Variants in HORMAD2 observed in about 807,000 individuals in gnomAD.
HORMAD2 encodes the protein HORMA domain containing 2, also known as HORMA domain-containing protein 2.
In HORMAD2, 45 loss-of-function variants were observed where a neutral mutation model predicts 38.8. The observed-to-expected ratio is 1.16, with a 90% CI of 0.91 to 1.49. The LOEUF (loss-of-function observed/expected upper bound fraction) is 1.49, where lower values mean the gene tolerates loss of function less well. Ranked by LOEUF, HORMAD2 falls within the 40% of genes most tolerant of loss-of-function variation. The probability of loss-of-function intolerance (pLI) is 0.00; values close to 1 mark genes in which losing one functional copy is unlikely to be tolerated. For synonymous variants in HORMAD2, 126 were observed against 122.8 expected (o/e 1.03, Z -0.17); for missense variants, 338 against 367.0 (o/e 0.92, Z 0.65).
intron 10 of HORMAD2, among the ~76,000 whole-genome samples, chr22:30,132,172 C>T (rs1923329628): frequency 6.6e-6 from 1 of 152,130 alleles, no homozygotes; most frequent in Admixed American, 6.6e-5. Flanking sequence ...GCATATATGC[C>T]TTCTTTGATA....
intron 10 of HORMAD2, among the ~76,000 whole-genome samples, chr22:30,140,050 A>G (rs1923967123): frequency 6.6e-6 from 1 of 151,918 alleles, no homozygotes; most frequent in Non-Finnish European, 1.5e-5. Flanking sequence ...ATTGATCTGT[A>G]GTTTTCTTGT....
At chr22:30,199,240 A>C in the HORMAD2 span, among the ~76,000 whole-genome samples, 1 of 152,220 alleles carries the variant, frequency 6.6e-6, no homozygotes, top group African/African-American at 2.4e-5. Flanking sequence ...TGATCAGTAG[A>C]TATGCACAAG....
chr22:30,197,803 A>C, the HORMAD2 span, among the ~76,000 whole-genome samples: 1 of 152,118 alleles, frequency 6.6e-6, no homozygotes, highest in Non-Finnish European at 1.5e-5. Context: ...CAACCACTGC[A>C]CATGTAGACC....
chr22:30,079,409 A>C (rs1243064450), upstream of HORMAD2, among the ~76,000 whole-genome samples: 3 of 152,240 alleles, frequency 2.0e-5, no homozygotes, highest in African/African-American at 7.2e-5. Context: ...GTTAAAAAGA[A>C]TGCAAAGTCA....
chr22:30,199,161 C>A, the HORMAD2 span, among the ~76,000 whole-genome samples: 1 of 152,198 alleles, frequency 6.6e-6, no homozygotes, highest in South Asian at 2.1e-4. Flanking sequence ...AAAAAGTTGT[C>A]CTGGTAATTA....
rs1920926196 is a variant in HORMAD2 at position 30,098,875 on chromosome 22, C to T, written c.75C>T (p.Ile25=). The T allele has an allele frequency of 3.7e-6, 6 of 1,611,848 alleles. No homozygotes were observed. The highest frequency in any genetic ancestry group is 3.3e-5 in the Admixed American group (2 of 59,712). Residue 25 remains isoleucine, a synonymous_variant, in exon 3 of 11, where the codon ATC becomes ATT. Transcript: ENST00000336726. ...AGGAAACAGTTTTCCCATCCCAAAT[C>T]ACTAATGAGCATGAGTCATTGAAAA... The part of the protein sequence containing the change: ...ASKETVFPSQ[I]TNEHESLKMV...
chr22:30,190,136 A>C, the HORMAD2 span, among the ~76,000 whole-genome samples: 28 of 152,144 alleles, frequency 1.8e-4, no homozygotes, highest in South Asian at 2.1e-4. Context: ...TGAAATGGGG[A>C]TAATCATTCT....
downstream of HORMAD2, among the ~76,000 whole-genome samples, chr22:30,180,914 TC>T (rs1281156778): frequency 6.9e-5 from 5 of 72,548 alleles, no homozygotes; most frequent in Non-Finnish European, 1.4e-4. Context: ...CCTTTCCCTT[TC>T]CCTTCCCTCT....
At chr22:30,178,179 A>C (rs888634625), downstream of HORMAD2, among the ~76,000 whole-genome samples, 1 of 152,240 alleles carries the variant, frequency 6.6e-6, no homozygotes, top group African/African-American at 2.4e-5. Context: ...TTTTGCTTCA[A>C]GGGGAATTGA....
chr22:30,140,422 C>A (rs996467431), intron 10 of HORMAD2, among the ~76,000 whole-genome samples: 3 of 152,032 alleles, frequency 2.0e-5, no homozygotes, highest in African/African-American at 7.2e-5. Context: ...CTGGGCTTTT[C>A]TTTTTGTGGA....
intron 3 of HORMAD2, among the ~76,000 whole-genome samples, chr22:30,102,282 A>G (rs1311483107): frequency 6.6e-6 from 1 of 152,168 alleles, no homozygotes; most frequent in African/African-American, 2.4e-5. Flanking sequence ...AGAAAGACAT[A>G]TTTTTGATAA....
At chr22:30,078,607 C>CCAAAAA (rs1234942826), upstream of HORMAD2, among the ~76,000 whole-genome samples, 7 of 28,098 alleles carry the variant, frequency 2.5e-4, no homozygotes, top group Admixed American at 6.0e-4. Context: ...CTCTGTCTCA[C>CCAAAAA]AAAAAAAAAA....
chr22:30,157,962 T>A (rs1925187307), intron 10 of HORMAD2, among the ~76,000 whole-genome samples: 1 of 152,152 alleles, frequency 6.6e-6, no homozygotes, highest in African/African-American at 2.4e-5. Flanking sequence ...AGATATTATA[T>A]CAAACATTTT....
At chr22:30,194,011 G>C in the HORMAD2 span, among the ~76,000 whole-genome samples, 1 of 152,170 alleles carries the variant, frequency 6.6e-6, no homozygotes, top group African/African-American at 2.4e-5. Flanking sequence ...GTCACTGAAT[G>C]ACTGCAGAGA....
chr22:30,143,099 T>G (rs1283583189), intron 10 of HORMAD2, among the ~76,000 whole-genome samples: 2 of 152,228 alleles, frequency 1.3e-5, no homozygotes, highest in East Asian at 3.8e-4. Context: ...TGTGCTATTA[T>G]TGGCAAATAT....
chr22:30,110,182 T>A (rs1921519051), intron 5 of HORMAD2, among the ~76,000 whole-genome samples: 1 of 152,100 alleles, frequency 6.6e-6, no homozygotes, highest in South Asian at 2.1e-4. Context: ...ACAGTTGAAC[T>A]CATTACACAT....
the HORMAD2 span, among the ~76,000 whole-genome samples, chr22:30,195,648 G>A: frequency 1.1e-4 from 16 of 152,200 alleles, no homozygotes; most frequent in Admixed American, 7.2e-4. Context: ...GATATTTAAG[G>A]TTCAACCAAT....
At chr22:30,145,946 A>G (rs1924385251) in intron 10 of HORMAD2, among the ~76,000 whole-genome samples, 2 of 152,250 alleles carry the variant, frequency 1.3e-5, no homozygotes. Flanking sequence ...TATGGACCAC[A>G]ATATCTCTCA....
At chr22:30,098,327 A>C (rs1920923934) in intron 2 of HORMAD2, among the ~76,000 whole-genome samples, 1 of 152,346 alleles carries the variant, frequency 6.6e-6, no homozygotes, top group East Asian at 1.9e-4. Flanking sequence ...AACTGGAAAA[A>C]ATAAAAGAGA....
Sources: gnomAD v4.1 joint callset for allele counts (sites outside exome capture counted in the v4.1 genomes callset) on GRCh38, gnomAD v4.1.1 for gene constraint, MANE v1.5 for transcripts, NCBI Gene and HGNC (gene_info 2026-07-23, HGNC 2026-07-21) for gene names.